Variants in TAPBPL observed in about 807,000 individuals in gnomAD.
TAPBPL encodes the protein tapasin-related protein.
In TAPBPL, 32 loss-of-function variants were observed where a neutral mutation model predicts 44.8. That is an observed-to-expected ratio of 0.71 (90% confidence interval 0.54 to 0.96). The LOEUF (loss-of-function observed/expected upper bound fraction) is 0.96. Among genes scored for constraint, TAPBPL ranks in the 40% least tolerant of loss-of-function variants. The pLI, the probability that TAPBPL is intolerant of heterozygous loss-of-function variation, is 0.00. For missense variants in TAPBPL, 520 were observed against 586.6 expected (o/e 0.89, Z 1.17); for synonymous variants, 230 against 240.7 (o/e 0.96, Z 0.41).
chr12:6,470,404 C>A, downstream of TAPBPL: 1 of 1,432,070 alleles, frequency 7.0e-7, no homozygotes, highest in South Asian at 1.2e-5. Context: ...CCGGAAGCGG[C>A]GCGCGGTGGT....
chr12:6,462,725 T>G (rs995647366), downstream of TAPBPL: 30 of 1,214,952 alleles, frequency 2.5e-5, no homozygotes, highest in Non-Finnish European at 3.4e-5. Context: ...CAGTGGTGGT[T>G]CTTCTCCAGC....
chr12:6,465,775 G>C (rs1161659479), downstream of TAPBPL: 7 of 1,583,728 alleles, frequency 4.4e-6, 1 homozygote, highest in African/African-American at 9.4e-5. Flanking sequence ...TGTAGAAGCT[G>C]AGGGTTTTCT....
chr12:6,464,327 C>G (rs894259729), downstream of TAPBPL: 1 of 1,548,716 alleles, frequency 6.5e-7, no homozygotes, highest in Non-Finnish European at 8.7e-7. Context: ...CAAATGAACG[C>G]AACGAAAAAG....
At chr12:6,456,639 TTTTTG>T (rs200157948) in intron 3 of TAPBPL, among the ~76,000 whole-genome samples, 435 of 149,390 alleles carry the variant, frequency 2.9e-3, no homozygotes, top group African/African-American at 0.01. Flanking sequence ...CACGTGTGTT[TTTTTG>T]TTTTGTTTTG....
In TAPBPL at chr12:6,458,857, C is replaced by T. The variant is rs1403577371; in HGVS notation, c.1117C>T (p.Pro373Ser). The T allele has an allele frequency of 1.9e-6, 3 of 1,614,072 alleles. No homozygotes were observed. Among genetic ancestry groups the T allele is most frequent in the African/African-American group, 2.7e-5 (2 of 74,916 alleles). The change falls in exon 5 of 7, where the codon CCT becomes TCT. Residue 373 changes from proline (P) to serine (S), a missense_variant. By Grantham distance (74) the Pro-to-Ser change is moderately conservative. Transcript: ENST00000266556. ...CATCTCCTCCTCTCTCACCGCAGAA[C>T]CTGGCTCTGCAGGTGCCACTTACAC... is the stretch of plus-strand genomic sequence containing the variant. ...YSISSSLTAE[P>S]GSAGATYTCQ...
chr12:6,471,884 T>C, the TAPBPL span, among the ~76,000 whole-genome samples: 9 of 152,226 alleles, frequency 5.9e-5, no homozygotes, highest in East Asian at 3.8e-4. This position sits in a 1 kb window ranked among gnomAD's most constrained non-coding sequence, Gnocchi z 4.0. Flanking sequence ...CCTTACCACT[T>C]AGCATTTTTG....
intron 3 of TAPBPL, 123 bp from the exon 4 acceptor site, chr12:6,457,283 G>T (rs1426924370): frequency 2.8e-5 from 25 of 889,552 alleles, no homozygotes; most frequent in Non-Finnish European, 3.7e-5. Context: ...TGGAAAATAA[G>T]CTCAACCGGC....
downstream of TAPBPL, chr12:6,465,465 TA>T (rs1949998408): frequency 3.3e-5 from 4 of 122,640 alleles, no homozygotes; most frequent in African/African-American, 1.2e-4. Flanking sequence ...TGTGTATATA[TA>T]GTGTGTGTGT....
At chr12:6,452,479 T>G in intron 1 of TAPBPL, 167 bp downstream of exon 1, 8 of 1,427,528 alleles carry the variant, frequency 5.6e-6, no homozygotes, top group Non-Finnish European at 5.5e-6. Flanking sequence ...GAACCAATAG[T>G]GTGTGTGGAG....
intron 5 of TAPBPL, among the ~76,000 whole-genome samples, chr12:6,460,305 G>T (rs917811051): frequency 6.7e-6 from 1 of 149,344 alleles, no homozygotes; most frequent in Non-Finnish European, 1.5e-5. Flanking sequence ...TCACTCTGTC[G>T]CCCAGGCTGG....
downstream of TAPBPL, chr12:6,466,427 A>G (rs1950027255): frequency 6.6e-7 from 1 of 1,504,618 alleles, no homozygotes; most frequent in Admixed American, 2.2e-5. Flanking sequence ...ACACACCTGT[A>G]GTCCCAGCTA....
chr12:6,464,537 G>C (rs371057949), downstream of TAPBPL: 3 of 1,471,102 alleles, frequency 2.0e-6, no homozygotes, highest in African/African-American at 1.4e-5. Flanking sequence ...AGAGACAGGA[G>C]AAAACAAGAG....
intron 5 of TAPBPL, among the ~76,000 whole-genome samples, chr12:6,460,525 C>A (rs960196595): frequency 1.3e-5 from 2 of 152,134 alleles, no homozygotes; most frequent in African/African-American, 2.4e-5. Flanking sequence ...CCTCAGCCTC[C>A]CAAAGTTCTG....
intron 5 of TAPBPL, among the ~76,000 whole-genome samples, chr12:6,459,603 G>A (rs1309988940): frequency 6.6e-6 from 1 of 152,140 alleles, no homozygotes; most frequent in East Asian, 1.9e-4. Flanking sequence ...TCAATCAATG[G>A]TAAAGAGAGA....
downstream of TAPBPL, chr12:6,465,217 C>A: frequency 2.0e-6 from 1 of 488,968 alleles, no homozygotes; most frequent in Admixed American, 2.8e-5. Context: ...AGAAGGCATT[C>A]CAATAGAGAT....
chr12:6,465,466 A>ATATAAAT (rs1555130299), downstream of TAPBPL: 14 of 103,192 alleles, frequency 1.4e-4, no homozygotes, highest in African/African-American at 5.6e-4. Context: ...GTGTATATAT[A>ATATAAAT]GTGTGTGTGT....
In TAPBPL at chr12:6,453,026, T is replaced by A; in HGVS notation, c.65-41T>A. 6.5e-7 allele frequency: 1 copy of A among 1,539,480 alleles called. No individual in the cohort carries two copies. On this transcript the variant is annotated intron_variant, in intron 1 of 6. Coordinates refer to ENST00000266556, the MANE Select transcript of TAPBPL (RefSeq NM_018009.5). This position sits in a 1 kb window ranked among gnomAD's most constrained non-coding sequence, Gnocchi z 4.8. Reference sequence around the variant, plus strand: ...GGGCAGGAAGCAAGTGTGGAGTAGCTTTCTGGGGAAGGCGGTGCTCACCCC... The same window carrying A: ...GGGCAGGAAGCAAGTGTGGAGTAGCATTCTGGGGAAGGCGGTGCTCACCCC...
chr12:6,462,395 CAG>C (rs1463085753), downstream of TAPBPL: 1 of 495,036 alleles, frequency 2.0e-6, no homozygotes, highest in Non-Finnish European at 3.6e-6. Flanking sequence ...GACAGACACA[CAG>C]TGGAAACCCC....
At chr12:6,457,122 GT>G (rs1279717115) in intron 3 of TAPBPL, among the ~76,000 whole-genome samples, 2 of 152,202 alleles carry the variant, frequency 1.3e-5, no homozygotes, top group African/African-American at 4.8e-5. Flanking sequence ...AAGATTGATG[GT>G]AACTCTTAAT....
Sources: gnomAD v4.1 joint callset for allele counts (sites outside exome capture counted in the v4.1 genomes callset) on GRCh38, gnomAD v4.1.1 for gene constraint, Gnocchi (gnomAD v3.1) non-coding constraint, MANE v1.5 for transcripts, NCBI Gene and HGNC (gene_info 2026-07-23, HGNC 2026-07-21) for gene names.